Variants in NR3C1 observed in about 807,000 individuals in gnomAD.
NR3C1 encodes nuclear receptor subfamily 3 group C member 1, also known as glucocorticoid receptor.
A neutral mutation model predicts 74.0 loss-of-function variants in NR3C1; 14 were observed. The observed-to-expected ratio is 0.19, with a 90% CI of 0.12 to 0.30. NR3C1 has a LOEUF of 0.30. Among genes scored for constraint, NR3C1 ranks in the 10% least tolerant of loss-of-function variants. The pLI, the probability that NR3C1 is intolerant of heterozygous loss-of-function variation, is 1.00. For missense variants in NR3C1, 695 were observed against 909.8 expected (o/e 0.76, Z 3.04); for synonymous variants, 308 against 332.5 (o/e 0.93, Z 0.80).
At chr5:143,396,579 T>C (rs1839224485) in intron 2 of NR3C1, among the ~76,000 whole-genome samples, 1 of 151,848 alleles carries the variant, frequency 6.6e-6, no homozygotes, top group African/African-American at 2.4e-5. Context: ...CATTCTGTAT[T>C]TGTACAGGTC....
At chr5:143,344,611 G>A (rs1230898286) in intron 2 of NR3C1, among the ~76,000 whole-genome samples, 2 of 152,142 alleles carry the variant, frequency 1.3e-5, no homozygotes, top group East Asian at 1.9e-4. Flanking sequence ...GGTAGCTCAC[G>A]CCTGTAATCC....
chr5:143,434,309 T>G (rs939940392), intron 1 of NR3C1, among the ~76,000 whole-genome samples: 4 of 152,236 alleles, frequency 2.6e-5, no homozygotes, highest in African/African-American at 9.6e-5. Context: ...TGGCACATAC[T>G]TGCTGAATAA....
intron 2 of NR3C1, among the ~76,000 whole-genome samples, chr5:143,352,144 A>G (rs964548769): frequency 2.6e-5 from 4 of 152,174 alleles, no homozygotes; most frequent in Non-Finnish European, 4.4e-5. Context: ...ACATGCATGC[A>G]CACACAATGC....
At chr5:143,315,755 C>T (rs1374862858) in intron 2 of NR3C1, among the ~76,000 whole-genome samples, 3 of 152,032 alleles carry the variant, frequency 2.0e-5, no homozygotes, top group Admixed American at 6.6e-5. Flanking sequence ...GCTAATGTTC[C>T]GTTTAGGAAT....
chr5:143,300,234 G>C lies in NR3C1; in HGVS notation c.1747+251C>G, dbSNP rs1206828170. 6.6e-6 allele frequency among the ~76,000 whole-genome samples: 1 copy of C among 152,120 alleles called. No homozygotes were observed. Among genetic ancestry groups the C allele is most frequent in the Non-Finnish European group, 1.5e-5 (1 of 68,024 alleles). On this transcript the variant is annotated intron_variant, in intron 5 of 8. Coordinates refer to ENST00000394464, the MANE Select transcript of NR3C1 (RefSeq NM_000176.3). The surrounding 1 kb of genome is among the most constrained non-coding windows in gnomAD (Gnocchi z 5.2). ...GAGTTTTGAGTGAGTCTTGTAACTT[G>C]AATTCTGATATTACATCATCCTATG...
intron 2 of NR3C1, among the ~76,000 whole-genome samples, chr5:143,365,820 G>A (rs575616488): frequency 3.9e-5 from 6 of 152,236 alleles, no homozygotes; most frequent in Non-Finnish European, 8.8e-5. Flanking sequence ...GGACCAGAAT[G>A]GAATGACACT....
intron 1 of NR3C1, among the ~76,000 whole-genome samples, chr5:143,430,872 T>A (rs1026274018): frequency 1.3e-5 from 2 of 152,190 alleles, no homozygotes; most frequent in African/African-American, 4.8e-5. Flanking sequence ...GCCTGCCTCC[T>A]CAGCAAGTTC....
intron 2 of NR3C1, among the ~76,000 whole-genome samples, chr5:143,361,712 T>C (rs1359272953): frequency 6.6e-6 from 1 of 152,198 alleles, no homozygotes; most frequent in Non-Finnish European, 1.5e-5. Context: ...CTGTAAGAAA[T>C]TCCTAGATGT....
At chr5:143,359,236 CT>C (rs1161189649) in intron 2 of NR3C1, among the ~76,000 whole-genome samples, 1 of 152,212 alleles carries the variant, frequency 6.6e-6, no homozygotes, top group African/African-American at 2.4e-5. Flanking sequence ...AAAGCCCAAA[CT>C]TTAACAAGGC....
rs192127181 is a variant in NR3C1, at chr5:143,346,300, C to A, written c.1185-32132G>T. Among the ~76,000 whole-genome samples the A allele has an allele frequency of 8.0e-3, 1,215 of 152,270 alleles. 4 individuals are homozygous for A. Among genetic ancestry groups the A allele is most frequent in the Non-Finnish European group, 0.012 (786 of 68,024 alleles). On this transcript the variant is annotated intron_variant, in intron 2 of 8. Transcript: ENST00000394464. ...AGGCTTAGAATTCCATGGTATCTGC[C>A]ACTTAACATACAGCACAATCTCCTA...
intron 2 of NR3C1, among the ~76,000 whole-genome samples, chr5:143,381,001 T>C (rs1836125586): frequency 6.6e-6 from 1 of 152,002 alleles, no homozygotes; most frequent in African/African-American, 2.4e-5. Flanking sequence ...ATGGAAGAAG[T>C]CAAATTATTC....
In NR3C1 at chr5:143,279,526, C is replaced by T; in HGVS notation, c.*2363G>A. 1.0e-6 allele frequency: 1 copy of T among 987,542 alleles called. No homozygotes were observed. The highest frequency in any genetic ancestry group is 1.4e-6 in the Non-Finnish European group (1 of 717,538). The allele number at this position is 987,542 out of a possible 1,614,324, so 61.2% of individuals were successfully genotyped here. A position where few individuals can be genotyped will look rare whatever the true frequency, so the allele number is the denominator to read the frequency against. ...ACCAAAAATTTATCCAGCCGGGTTA[C>T]ACACCATCTTAAAATATTACATTCC... On this transcript the variant is annotated 3_prime_UTR_variant, in exon 9 of 9. Transcript: ENST00000394464.
At chr5:143,365,277 T>A (rs1832985858) in intron 2 of NR3C1, among the ~76,000 whole-genome samples, 1 of 152,166 alleles carries the variant, frequency 6.6e-6, no homozygotes, top group Non-Finnish European at 1.5e-5. Context: ...GATTGGCAGA[T>A]CCAATTGCTA....
intron 8 of NR3C1, among the ~76,000 whole-genome samples, 172 bp from the exon 9 acceptor site, chr5:143,282,213 TGATTGTATGTAG>T (rs1286356737): frequency 6.6e-6 from 1 of 152,210 alleles, no homozygotes; most frequent in South Asian, 2.1e-4. Flanking sequence ...TATATTTCTT[TGATTGTATGTAG>T]AATTATATAG....
At chr5:143,291,810 A>C (rs1488328232) in intron 7 of NR3C1, among the ~76,000 whole-genome samples, 1 of 152,102 alleles carries the variant, frequency 6.6e-6, no homozygotes, top group East Asian at 1.9e-4. Flanking sequence ...CTTAGCATTT[A>C]TTTTTAGAGT....
At chr5:143,431,191 G>T (rs1426477326) in intron 1 of NR3C1, among the ~76,000 whole-genome samples, 2 of 152,090 alleles carry the variant, frequency 1.3e-5, no homozygotes, top group African/African-American at 2.4e-5. Flanking sequence ...AGGAGCTTCT[G>T]GGGAGAGAGA....
At chr5:143,430,499 G>A (rs766270710) in intron 1 of NR3C1, among the ~76,000 whole-genome samples, 10 of 152,204 alleles carry the variant, frequency 6.6e-5, no homozygotes, top group Non-Finnish European at 1.2e-4. Context: ...AAATTCATAC[G>A]TTGAAATCCT....
intron 4 of NR3C1, among the ~76,000 whole-genome samples, chr5:143,305,813 C>A (rs1250511554): frequency 6.6e-6 from 1 of 152,246 alleles, no homozygotes; most frequent in African/African-American, 2.4e-5. Context: ...AAGGTTCAAT[C>A]ATACTCCAAA....
intron 4 of NR3C1, among the ~76,000 whole-genome samples, chr5:143,307,361 C>CAGTGCCCTTACAAAAAAAAAAAT (rs1819859551): frequency 6.6e-6 from 1 of 152,102 alleles, no homozygotes; most frequent in East Asian, 1.9e-4. Flanking sequence ...TGCTATTAAA[C>CAGTGCCCTTACAAAAAAAAAAAT]TGTAAGAAGG....
Sources: gnomAD v4.1 joint callset for allele counts (sites outside exome capture counted in the v4.1 genomes callset) on GRCh38, gnomAD v4.1.1 for gene constraint, Gnocchi (gnomAD v3.1) non-coding constraint, MANE v1.5 for transcripts, NCBI Gene and HGNC (gene_info 2026-07-23, HGNC 2026-07-21) for gene names.